Variants in SLC24A2 observed in about 807,000 individuals in gnomAD.
SLC24A2 encodes sodium/potassium/calcium exchanger 2.
In SLC24A2, 36 loss-of-function variants were observed where a neutral mutation model predicts 62.0. That is an observed-to-expected ratio of 0.58 (90% CI 0.44 to 0.77). The LOEUF (loss-of-function observed/expected upper bound fraction) is 0.77, where lower values mean the gene tolerates loss of function less well. Ranked by LOEUF, SLC24A2 falls within the 30% of genes least tolerant of loss-of-function variation. The probability of loss-of-function intolerance (pLI) is 0.00; values close to 1 mark genes in which losing one functional copy is unlikely to be tolerated. For synonymous variants in SLC24A2, 358 were observed against 294.0 expected, an observed-to-expected ratio of 1.22 and a Z score of -2.23; for missense variants, 846 against 817.9, an observed-to-expected ratio of 1.03 and a Z score of -0.42.
chr9:19,840,169 G>T, the SLC24A2 span, among the ~76,000 whole-genome samples: 2 of 152,114 alleles, frequency 1.3e-5, no homozygotes, highest in Admixed American at 1.3e-4. Flanking sequence ...ATGGTTAATT[G>T]TAGTCATTCA....
intron 2 of SLC24A2, among the ~76,000 whole-genome samples, chr9:19,694,719 G>T (rs1820135506): frequency 1.3e-5 from 2 of 152,092 alleles, no homozygotes; most frequent in Non-Finnish European, 2.9e-5. Flanking sequence ...AGTTACAGAG[G>T]TAAAAGAATA....
chr9:19,660,131 C>G (rs1664084089), intron 2 of SLC24A2, among the ~76,000 whole-genome samples: 1 of 152,174 alleles, frequency 6.6e-6, no homozygotes. Context: ...GTTGTCCCTT[C>G]CGGACCAGCT....
the SLC24A2 span, among the ~76,000 whole-genome samples, chr9:20,015,311 G>A: frequency 6.6e-6 from 1 of 152,208 alleles, no homozygotes; most frequent in East Asian, 1.9e-4. Flanking sequence ...TGAATCTCCA[G>A]CTTCAAAGAT....
At chr9:19,629,581 T>C (rs903092657) in intron 2 of SLC24A2, among the ~76,000 whole-genome samples, 1 of 152,236 alleles carries the variant, frequency 6.6e-6, no homozygotes, top group Non-Finnish European at 1.5e-5. Context: ...CAGAACGGCA[T>C]AGATTTAAGT....
the SLC24A2 span, among the ~76,000 whole-genome samples, chr9:20,013,128 G>A: frequency 6.6e-6 from 1 of 152,004 alleles, no homozygotes; most frequent in African/African-American, 2.4e-5. Flanking sequence ...AAAGCTGAAG[G>A]CATTACACTC....
At chr9:19,716,855 C>T (rs117833166) in intron 2 of SLC24A2, among the ~76,000 whole-genome samples, 1 of 152,168 alleles carries the variant, frequency 6.6e-6, no homozygotes, top group Non-Finnish European at 1.5e-5. Context: ...TCAGTCTGGT[C>T]CATCAATGGC....
rs77667386 is a variant in SLC24A2, at chr9:19,603,525, G to A, written c.1079-6246C>T. 2.5e-3 allele frequency among the ~76,000 whole-genome samples: 377 copies of A among 151,436 alleles called. 3 individuals carry two copies. The highest frequency in any genetic ancestry group is 8.3e-3 in the African/African-American group (337 of 40,796). On this transcript the variant is annotated intron_variant, in intron 4 of 10. Transcript: ENST00000341998. Reference sequence around the variant, plus strand: ...GGAGGGAGGGGGGCACTAAGGTGATGCTGATGCTTCTGTAAGCCACACTCA... The same window carrying A: ...GGAGGGAGGGGGGCACTAAGGTGATACTGATGCTTCTGTAAGCCACACTCA...
At chr9:20,254,681 G>A in the SLC24A2 span, among the ~76,000 whole-genome samples, 2 of 152,192 alleles carry the variant, frequency 1.3e-5, no homozygotes, top group Admixed American at 6.5e-5. Flanking sequence ...AAAGGCAGAA[G>A]TGACAACTTC....
At chr9:20,010,349 G>T in the SLC24A2 span, among the ~76,000 whole-genome samples, 1 of 152,068 alleles carries the variant, frequency 6.6e-6, no homozygotes, top group Non-Finnish European at 1.5e-5. Flanking sequence ...TGAAAAATTA[G>T]GGAATTATTG....
intron 2 of SLC24A2, among the ~76,000 whole-genome samples, chr9:19,718,939 T>C (rs1282098486): frequency 6.6e-6 from 1 of 152,184 alleles, no homozygotes; most frequent in Non-Finnish European, 1.5e-5. Flanking sequence ...ACATTTCCCT[T>C]GACACATTTC....
the SLC24A2 span, among the ~76,000 whole-genome samples, chr9:20,179,173 T>C: frequency 1.2e-4 from 19 of 152,162 alleles, no homozygotes; most frequent in South Asian, 2.9e-3. Context: ...AAATCATGAG[T>C]AAGTGGAAGA....
chr9:19,793,726 C>T (rs1230085376), upstream of SLC24A2, among the ~76,000 whole-genome samples: 8 of 152,080 alleles, frequency 5.3e-5, no homozygotes, highest in African/African-American at 7.2e-5. Context: ...CTCCAAAGCC[C>T]GAGTTCTACT....
the SLC24A2 span, among the ~76,000 whole-genome samples, chr9:19,979,061 T>G: frequency 6.6e-6 from 1 of 152,180 alleles, no homozygotes; most frequent in South Asian, 2.1e-4. Context: ...GGTAGGTGTG[T>G]GAAGAGCAGA....
chr9:19,651,866 T>G (rs531580370), intron 2 of SLC24A2, among the ~76,000 whole-genome samples: 26 of 152,300 alleles, frequency 1.7e-4, no homozygotes, highest in African/African-American at 5.5e-4. Flanking sequence ...GCCGCAGGCT[T>G]CAGCAGCTGC....
the SLC24A2 span, among the ~76,000 whole-genome samples, chr9:19,962,835 T>C: frequency 7.2e-5 from 11 of 152,282 alleles, no homozygotes; most frequent in African/African-American, 2.2e-4. Flanking sequence ...CTTTTCCTAA[T>C]TGAATACCCT....
chr9:19,651,713 A>G (rs1223486131), intron 2 of SLC24A2, among the ~76,000 whole-genome samples: 1 of 152,192 alleles, frequency 6.6e-6, no homozygotes, highest in African/African-American at 2.4e-5. Context: ...CAATGCCTTT[A>G]TTTTGCAGAT....
the SLC24A2 span, among the ~76,000 whole-genome samples, chr9:19,874,786 G>A: frequency 2.6e-5 from 4 of 152,242 alleles, no homozygotes; most frequent in African/African-American, 7.2e-5. Flanking sequence ...TCTTAGCAAT[G>A]GAATGAAGTC....
intron 8 of SLC24A2, among the ~76,000 whole-genome samples, chr9:19,547,025 T>G (rs1378529314): frequency 6.6e-6 from 1 of 152,164 alleles, no homozygotes; most frequent in Non-Finnish European, 1.5e-5. Context: ...ACCTGCCTTC[T>G]GTGGCGATCT....
At chr9:19,788,805 C>A in intron 1 of SLC24A2, 80 bp downstream of exon 1, 1 of 985,436 alleles carries the variant, frequency 1.0e-6, no homozygotes, top group Non-Finnish European at 1.2e-6. Context: ...AGAGCAGCAA[C>A]GGGATGCGCG....
Sources: allele counts gnomAD v4.1 joint callset (sites outside exome capture counted in the v4.1 genomes callset), GRCh38; gene constraint gnomAD v4.1.1; transcripts MANE v1.5; gene names NCBI Gene and HGNC (gene_info 2026-07-23, HGNC 2026-07-21).